RP1: variants seen among roughly 807,000 people sequenced by gnomAD.
RP1 encodes oxygen-regulated protein 1.
In RP1, 16 loss-of-function variants were observed where a neutral mutation model predicts 14.8. That is an observed-to-expected ratio of 1.08 (90% CI 0.73 to 1.65). The LOEUF is 1.65. Among genes scored for constraint, RP1 ranks in the 40% most tolerant of loss-of-function variants. RP1 has a pLI of 0.00. For missense variants in RP1, 2,631 were observed against 2,535.0 expected, an observed-to-expected ratio of 1.04 and a Z score of -0.81; for synonymous variants, 876 against 883.6, an observed-to-expected ratio of 0.99 and a Z score of 0.15.
At chr8:54,586,520 A>G (rs763674571) in intron 1 of RP1, among the ~76,000 whole-genome samples, 1 of 152,214 alleles carries the variant, frequency 6.6e-6, no homozygotes, top group Admixed American at 6.5e-5. Flanking sequence ...AGTCTCTTCA[A>G]AGCTGTCAGA....
At chr8:54,694,067 C>G (rs1283285964) in intron 12 of RP1, among the ~76,000 whole-genome samples, 2 of 152,068 alleles carry the variant, frequency 1.3e-5, no homozygotes, top group Non-Finnish European at 2.9e-5. Context: ...TCTGCATTTA[C>G]TGAGATAATC....
chr8:54,705,348 C>A (rs1808124285), intron 14 of RP1, among the ~76,000 whole-genome samples: 1 of 152,262 alleles, frequency 6.6e-6, no homozygotes, highest in East Asian at 1.9e-4. Flanking sequence ...TGGTTCTCTC[C>A]CCATGGAGTC....
intron 7 of RP1, among the ~76,000 whole-genome samples, chr8:54,664,097 T>C (rs1470095274): frequency 6.6e-6 from 1 of 152,194 alleles, no homozygotes; most frequent in African/African-American, 2.4e-5. Flanking sequence ...TTTCTATTTC[T>C]GTGCATTTAC....
At chr8:54,780,997 A>C (rs1418260166) in intron 23 of RP1, 1 of 979,432 alleles carries the variant, frequency 1.0e-6, no homozygotes, top group Non-Finnish European at 1.2e-6. Context: ...TTATTAAGGA[A>C]TATTTGGAGA....
chr8:54,681,862 A>G (rs1236220380), intron 12 of RP1, among the ~76,000 whole-genome samples: 2 of 152,090 alleles, frequency 1.3e-5, no homozygotes, highest in African/African-American at 4.8e-5. Context: ...GTCCCTGCAA[A>G]AGACATGATC....
chr8:54,673,290 T>A (rs1286782451), intron 7 of RP1, among the ~76,000 whole-genome samples: 7 of 152,248 alleles, frequency 4.6e-5, no homozygotes, highest in Admixed American at 3.3e-4. Context: ...TTAATGGATA[T>A]GCTACATCAT....
chr8:54,779,718 CA>C (rs1810135130), intron 23 of RP1, among the ~76,000 whole-genome samples: 1 of 152,166 alleles, frequency 6.6e-6, no homozygotes, highest in Non-Finnish European at 1.5e-5. Context: ...GGGAAGGAAA[CA>C]GTTAATGACA....
chr8:54,783,819 T>C (rs1810249809), intron 24 of RP1: 1 of 695,446 alleles, frequency 1.4e-6, no homozygotes, highest in South Asian at 7.7e-5. Context: ...TGCATTTGCA[T>C]TAAATTTGCT....
intron 1 of RP1, among the ~76,000 whole-genome samples, chr8:54,607,248 G>T (rs1404016270): frequency 2.6e-5 from 4 of 152,150 alleles, no homozygotes; most frequent in Non-Finnish European, 5.9e-5. Flanking sequence ...CTGTTTGTTA[G>T]TTTTCCTTCT....
intron 24 of RP1, among the ~76,000 whole-genome samples, chr8:54,801,602 C>G (rs573855726): frequency 6.6e-6 from 1 of 151,940 alleles, no homozygotes; most frequent in Admixed American, 6.6e-5. Context: ...TACCCCCAGC[C>G]AGAAAGAGAA....
chr8:54,607,216 G>T (rs1805470458), intron 1 of RP1, among the ~76,000 whole-genome samples: 1 of 152,102 alleles, frequency 6.6e-6, no homozygotes, highest in Admixed American at 6.6e-5. Context: ...AAACAGATGG[G>T]GTTTTGGTGT....
chr8:54,642,295 T>TA (rs1194148882), intron 3 of RP1, among the ~76,000 whole-genome samples: 1 of 152,108 alleles, frequency 6.6e-6, no homozygotes, highest in African/African-American at 2.4e-5. Context: ...ACTATATATA[T>TA]TTTTCTCTTT....
chr8:54,589,779 A>C (rs1050906366), intron 1 of RP1, among the ~76,000 whole-genome samples: 1 of 152,152 alleles, frequency 6.6e-6, no homozygotes. Flanking sequence ...TGGAATTCTA[A>C]TGGTCTTTTG....
Position 54,651,071 on chromosome 8 carries a change from T to C in RP1, c.952-1709T>C, listed in dbSNP as rs1806647247. ...GCATCAATTGAGATGATTGTGTTTT[T>C]TCCCTCTATTTTATTTACGTGGTAT... is the stretch of plus-strand genomic sequence containing the variant. On this transcript the variant is annotated intron_variant, in intron 4 of 22. Transcript: ENST00000636932. Among the ~76,000 whole-genome samples the C allele has an allele frequency of 2.0e-5, 3 of 152,092 alleles. No homozygotes were observed. In the South Asian group the frequency reaches 6.2e-4, roughly 32 times the overall value.
intron 21 of RP1, among the ~76,000 whole-genome samples, chr8:54,756,347 C>T (rs537302590): frequency 6.6e-6 from 1 of 151,980 alleles, no homozygotes; most frequent in Non-Finnish European, 1.5e-5. Context: ...ATTTGAGGGC[C>T]TGAAATTAAG....
chr8:54,833,775 TACAC>T (rs983551028), intron 24 of RP1, among the ~76,000 whole-genome samples: 1 of 151,964 alleles, frequency 6.6e-6, no homozygotes, highest in Non-Finnish European at 1.5e-5. Context: ...ATTAAAAAAA[TACAC>T]ACACAAGCAT....
intron 27 of RP1, among the ~76,000 whole-genome samples, chr8:54,862,043 C>A (rs1448833483): frequency 6.6e-6 from 1 of 152,066 alleles, no homozygotes; most frequent in African/African-American, 2.4e-5. Context: ...TTACTACCAG[C>A]ACATAGTGGG....
rs1810022446 is a variant in RP1 at position 54,775,827 on chromosome 8, T to C, written c.3451+5660T>C. On this transcript the variant is annotated intron_variant, in intron 23 of 28. Coordinates refer to the RP1 transcript ENST00000637698. ...GTCAAGACTTGGATTCTAAATATAT[T>C]GAAGATCATGAATTTCTCTCCTAAT... 2.0e-5 allele frequency among the ~76,000 whole-genome samples: 3 copies of C among 152,194 alleles called. 1 individual carries two copies. The South Asian group carries it at 6.2e-4, about 32-fold the overall frequency.
chr8:54,775,748 C>G (rs1330709970), intron 23 of RP1, among the ~76,000 whole-genome samples: 1 of 152,204 alleles, frequency 6.6e-6, no homozygotes, highest in Non-Finnish European at 1.5e-5. Context: ...AGGAATAGAT[C>G]ATGGTAGCAG....
Sources: gnomAD v4.1 joint callset for allele counts (sites outside exome capture counted in the v4.1 genomes callset) on GRCh38, gnomAD v4.1.1 for gene constraint, MANE v1.5 for transcripts, NCBI Gene and HGNC (gene_info 2026-07-23, HGNC 2026-07-21) for gene names.